ARMC10: variants seen among roughly 807,000 people sequenced by gnomAD.
ARMC10 encodes armadillo repeat containing 10, also known as armadillo repeat-containing protein 10.
ARMC10 carries 23 observed loss-of-function variants against 30.2 expected under a neutral mutation model. That is an observed-to-expected ratio of 0.76 (90% confidence interval 0.55 to 1.08). The LOEUF is 1.08. ARMC10 is among the 50% of genes least tolerant of loss of function. The probability of loss-of-function intolerance (pLI) is 0.00; values close to 1 mark genes in which losing one functional copy is unlikely to be tolerated. For missense variants in ARMC10, 303 were observed against 413.7 expected (o/e 0.73, Z 2.32); for synonymous variants, 111 against 164.4 (o/e 0.68, Z 2.48).
At chr7:103,076,834 C>CA (rs1172113631) in intron 2 of ARMC10, among the ~76,000 whole-genome samples, 1 of 28,582 alleles carries the variant, frequency 3.5e-5, no homozygotes, top group Non-Finnish European at 2.9e-3. Flanking sequence ...GATTCTGTCT[C>CA]AAAAAACAAA....
chr7:103,091,528 A>G (rs1038535594), intron 4 of ARMC10, among the ~76,000 whole-genome samples: 2 of 152,130 alleles, frequency 1.3e-5, no homozygotes, highest in African/African-American at 4.8e-5. Context: ...CTAGGTAAAT[A>G]AGAACCTTAG....
At position 103,099,224 on chromosome 7, in the gene ARMC10, A is replaced by C. The variant is rs1239094478; in HGVS notation, c.*671A>C. 6.7e-6 allele frequency: 1 copy of C among 149,160 alleles called. No homozygotes were observed. Among genetic ancestry groups the C allele is most frequent in the Non-Finnish European group, 1.5e-5 (1 of 67,512 alleles). The allele number at this position is 149,160 out of a possible 1,614,324, so 9.2% of individuals were successfully genotyped here. Reference sequence around the variant, plus strand: ...GGTGGCTCTTGCCTGTAATCCCAGCACTTTGGGAGGCTGAGGCGGGCAGAT... The same window carrying C: ...GGTGGCTCTTGCCTGTAATCCCAGCCCTTTGGGAGGCTGAGGCGGGCAGAT... On this transcript the variant is annotated 3_prime_UTR_variant, in exon 7 of 7. Coordinates refer to ENST00000323716, the MANE Select transcript of ARMC10 (RefSeq NM_031905.5).
chr7:103,090,993 A>C (rs960852444), intron 4 of ARMC10, among the ~76,000 whole-genome samples: 2 of 152,202 alleles, frequency 1.3e-5, no homozygotes, highest in African/African-American at 2.4e-5. Flanking sequence ...TTTTTTTTAA[A>C]TTAATAATTG....
rs1409256018 is a variant in ARMC10 at position 103,092,550 on chromosome 7, CATT to C, written c.603_605del (p.Leu203del). The stretch of plus-strand genomic sequence containing the variant: ...TCTGCTGTGCAGCTGGCTGGACTGA[CATT>C]GTTGACAAACATGACTGTTACCAAT... On this transcript the variant is annotated inframe_deletion, in exon 5 of 7. Coordinates refer to ENST00000323716, the MANE Select transcript of ARMC10 (RefSeq NM_031905.5). The C allele has an allele frequency of 5.6e-6, 9 of 1,610,140 alleles. No individual in the cohort carries two copies. The highest frequency in any genetic ancestry group is 7.6e-6 in the Non-Finnish European group (9 of 1,176,960).
chr7:103,092,608 T>A lies in ARMC10; in HGVS notation c.660T>A (p.Ile220=), dbSNP rs766671989. 1.9e-6 allele frequency: 3 copies of A among 1,601,278 alleles called. No homozygotes were observed. The highest frequency in any genetic ancestry group is 2.6e-6 in the Non-Finnish European group (3 of 1,169,630). The part of the protein sequence containing the change: ...NDHQHMLHSY[I]TDLFQVLLTG... Reference sequence around the variant, plus strand: ...ACCAGCACATGCTTCACAGTTACATTACAGACCTGTTCCAGGTGTTACTTA... The same window carrying A: ...ACCAGCACATGCTTCACAGTTACATAACAGACCTGTTCCAGGTGTTACTTA... Residue 220 remains isoleucine, a synonymous_variant, in exon 5 of 7, where the codon ATT becomes ATA. Transcript: ENST00000323716.
At position 103,098,631 on chromosome 7, in the gene ARMC10, A is replaced by G. The variant is rs1191682395; in HGVS notation, c.*78A>G. The G allele has an allele frequency of 5.4e-6, 8 of 1,495,274 alleles. No homozygotes were observed. In the East Asian group the frequency reaches 1.4e-4, roughly 26 times the overall value. The allele number at this position is 1,495,274 out of a possible 1,614,324, so 92.6% of individuals were successfully genotyped here. A position where few individuals can be genotyped will look rare whatever the true frequency, so the allele number is the denominator to read the frequency against. On this transcript the variant is annotated 3_prime_UTR_variant, in exon 7 of 7. Coordinates refer to ENST00000323716, the MANE Select transcript of ARMC10 (RefSeq NM_031905.5). Reference sequence around the variant, plus strand: ...GTCTTCCTTATAAGGGGATTCTCCCAGCTGCTAAATTTAAACAGTAAATAT... The same window carrying G: ...GTCTTCCTTATAAGGGGATTCTCCCGGCTGCTAAATTTAAACAGTAAATAT...
At chr7:103,089,072 C>A in intron 4 of ARMC10, 1 of 159,138 alleles carries the variant, frequency 6.3e-6, no homozygotes, top group Admixed American at 6.4e-5. Context: ...ACTTTGTGGG[C>A]TCCATTTTGC....
At chr7:103,097,187 T>TAA in intron 5 of ARMC10, 90 bp from the exon 6 acceptor site, 1 of 1,111,028 alleles carries the variant, frequency 9.0e-7, no homozygotes, top group South Asian at 1.2e-5. Flanking sequence ...GGCAGGACTT[T>TAA]AACAGGAAGA....
At chr7:103,079,105 A>G (rs1800152857) in intron 2 of ARMC10, among the ~76,000 whole-genome samples, 1 of 152,232 alleles carries the variant, frequency 6.6e-6, no homozygotes, top group Non-Finnish European at 1.5e-5. Flanking sequence ...CTAACGTCAT[A>G]ACCTGACAAG....
intron 2 of ARMC10, among the ~76,000 whole-genome samples, chr7:103,078,695 C>T (rs904924906): frequency 3.3e-5 from 5 of 151,958 alleles, no homozygotes; most frequent in African/African-American, 1.2e-4. Context: ...GAGACGGAGT[C>T]TTGCTCTGTT....
chr7:103,083,336 C>A (rs1319387398), intron 2 of ARMC10, among the ~76,000 whole-genome samples: 2 of 152,158 alleles, frequency 1.3e-5, no homozygotes, highest in Non-Finnish European at 2.9e-5. Flanking sequence ...TTTAAAAAAA[C>A]AGGCTGGGCA....
chr7:103,075,640 G>A, intron 1 of ARMC10, 137 bp from the exon 2 acceptor site: 3 of 878,152 alleles, frequency 3.4e-6, no homozygotes, highest in Non-Finnish European at 5.0e-6. Context: ...CACAGCGGAG[G>A]ATTAGATTTC....
chr7:103,096,003 G>A (rs1801731220), intron 5 of ARMC10: 1 of 152,082 alleles, frequency 6.6e-6, no homozygotes, highest in African/African-American at 2.4e-5. Flanking sequence ...GTTAGTGGGT[G>A]CAGTGCACCA....
intron 2 of ARMC10, among the ~76,000 whole-genome samples, chr7:103,080,018 C>G (rs1422611702): frequency 6.6e-6 from 1 of 152,098 alleles, no homozygotes; most frequent in Non-Finnish European, 1.5e-5. Flanking sequence ...TTTGAGAATT[C>G]TAATTTCTCC....
chr7:103,077,585 G>A (rs756490429), intron 2 of ARMC10, among the ~76,000 whole-genome samples: 2 of 152,120 alleles, frequency 1.3e-5, no homozygotes, highest in African/African-American at 2.4e-5. Context: ...ATTCATTCAT[G>A]AGGACAGACC....
chr7:103,075,248 G>C lies in ARMC10; in HGVS notation c.-25G>C, dbSNP rs1799588513. Reference sequence around the variant, plus strand: ...CGCGAGCCTCCTGCCCTGGCCCGGCGCTGCGGCTCTGCCGCGGCGGCAGCA... The same window carrying C: ...CGCGAGCCTCCTGCCCTGGCCCGGCCCTGCGGCTCTGCCGCGGCGGCAGCA... On this transcript the variant is annotated 5_prime_UTR_variant, in exon 1 of 7. Transcript: ENST00000323716. The C allele has an allele frequency of 8.5e-7, 1 of 1,174,082 alleles. No individual in the cohort carries two copies. The highest frequency in any genetic ancestry group is 4.2e-5 in the South Asian group (1 of 23,854). The allele number at this position is 1,174,082 out of a possible 1,614,324, so 72.7% of individuals were successfully genotyped here.
At position 103,075,884 on chromosome 7, in the gene ARMC10, G is replaced by A. The variant is rs1302329636; in HGVS notation, c.244+3G>A. On this transcript the variant is annotated splice_donor_region_variant and intron_variant, in intron 2 of 6. Transcript: ENST00000323716. ...GTGGTCCAAGACCTCGCAGCCTGGT[G>A]TGTGTTTTGGAAATGGGAACAGTTG... The A allele has an allele frequency of 6.3e-7, 1 of 1,587,086 alleles. No individual in the cohort carries two copies. Among genetic ancestry groups the A allele is most frequent in the Non-Finnish European group, 8.6e-7 (1 of 1,165,294 alleles).
chr7:103,078,263 G>A (rs1388210130), intron 2 of ARMC10, among the ~76,000 whole-genome samples: 1 of 152,194 alleles, frequency 6.6e-6, no homozygotes, highest in Non-Finnish European at 1.5e-5. Context: ...ATCAGCCACT[G>A]TGCCCGGCCC....
Position 103,097,349 on chromosome 7 carries a change from G to GTTT in ARMC10, c.777+2_777+3insTTT. 6.3e-7 allele frequency: 1 copy of GTTT among 1,597,720 alleles called. No individual in the cohort carries two copies. The highest frequency in any genetic ancestry group is 1.3e-5 in the African/African-American group (1 of 74,594). The stretch of plus-strand genomic sequence containing the variant: ...GACAGAAGGACTTCTCCGTGCCCAA[G>GTTT]TAAATAGCTTATATATTTATTTTGT... On this transcript the variant is annotated splice_donor_variant, in intron 6 of 6. Transcript: ENST00000323716. LOFTEE classifies it high-confidence loss of function.
Sources: gnomAD v4.1 joint callset for allele counts (sites outside exome capture counted in the v4.1 genomes callset) on GRCh38, gnomAD v4.1.1 for gene constraint, MANE v1.5 for transcripts, NCBI Gene and HGNC (gene_info 2026-07-23, HGNC 2026-07-21) for gene names.